ZNRF1: variants seen among roughly 807,000 people sequenced by gnomAD.
ZNRF1 encodes the protein E3 ubiquitin-protein ligase ZNRF1.
In ZNRF1, 3 loss-of-function variants were observed where a neutral mutation model predicts 18.4. The ratio of observed to expected loss-of-function variants is 0.16; its 90% confidence interval spans 0.07 to 0.42. ZNRF1 has a LOEUF of 0.42. ZNRF1 is among the 10% of genes least tolerant of loss of function. The pLI is 0.99. For missense variants in ZNRF1, 310 were observed against 329.8 expected (o/e 0.94, Z 0.47); for synonymous variants, 157 against 144.2 (o/e 1.09, Z -0.64).
chr16:75,087,078 G>A (rs1464952719), intron 1 of ZNRF1, among the ~76,000 whole-genome samples: 1 of 152,198 alleles, frequency 6.6e-6, no homozygotes, highest in Non-Finnish European at 1.5e-5. Flanking sequence ...GGTCTCCAGA[G>A]CATAAAAACT....
At chr16:75,079,603 A>G (rs1238511510) in intron 1 of ZNRF1, among the ~76,000 whole-genome samples, 13 of 152,200 alleles carry the variant, frequency 8.5e-5, no homozygotes. Context: ...GGACTGAAGT[A>G]TGAAGGCCTT....
intron 1 of ZNRF1, among the ~76,000 whole-genome samples, chr16:75,004,335 G>A (rs1320335121): frequency 6.6e-6 from 1 of 152,068 alleles, no homozygotes; most frequent in Non-Finnish European, 1.5e-5. Context: ...TGGCTGCCTC[G>A]GTGCTATTCT....
At position 75,023,876 on chromosome 16, in the gene ZNRF1, C is replaced by CT. The variant is rs565608727; in HGVS notation, c.424+23793dup. ...TCCTTTTCTTTTTTTATTTTATTTTCTTTTTTTTTTTTGAGACAGAGTCTT... is the reference window on the plus strand; with the variant it reads ...TCCTTTTCTTTTTTTATTTTATTTTCTTTTTTTTTTTTTGAGACAGAGTCTT... On this transcript the variant is annotated intron_variant, in intron 1 of 4. Transcript: ENST00000335325. 1.5e-3 allele frequency among the ~76,000 whole-genome samples: 213 copies of CT among 142,536 alleles called. 1 individual carries two copies. Among genetic ancestry groups the CT allele is most frequent in the South Asian group, 2.9e-3 (13 of 4,412 alleles). The allele number at this position is 142,536 out of a possible 152,430, so 93.5% of individuals were successfully genotyped here.
Position 74,999,130 on chromosome 16 carries a change from C to A in ZNRF1, c.-542C>A, listed in dbSNP as rs1205095738. On this transcript the variant is annotated 5_prime_UTR_variant, in exon 1 of 5. Coordinates refer to ENST00000335325, the MANE Select transcript of ZNRF1 (RefSeq NM_032268.5). ...GCTGAAGCGAGAGCGCGACGCGACG[C>A]GACCGCGGCTTCCCGAGCTGCGCCT... The A allele has an allele frequency of 1.4e-5, 2 of 147,390 alleles. No individual in the cohort carries two copies. The highest frequency in any genetic ancestry group is 3.0e-5 in the Non-Finnish European group (2 of 66,230). The allele number at this position is 147,390 out of a possible 1,614,324, so 9.1% of individuals were successfully genotyped here.
At chr16:75,065,238 C>G (rs535862765) in intron 1 of ZNRF1, among the ~76,000 whole-genome samples, 1 of 152,318 alleles carries the variant, frequency 6.6e-6, no homozygotes, top group East Asian at 1.9e-4. Flanking sequence ...TACTCTAGTA[C>G]AATCACCCAA....
rs374330001 is a variant in ZNRF1, at chr16:75,043,826, G to C, written c.424+43731G>C. Among the ~76,000 whole-genome samples the C allele has an allele frequency of 9.3e-5, 10 of 107,602 alleles. 2 individuals are homozygous for C. The highest frequency in any genetic ancestry group is 7.9e-4 in the East Asian group (3 of 3,814). 70.6% of individuals were successfully genotyped at this position (107,602 alleles called of 152,430 possible). ...TTTTTTGAGACAGAGTTTTGTTCTT[G>C]TTGCCCAGGCTGGAGGGTAATGATG... On this transcript the variant is annotated intron_variant, in intron 1 of 4. Coordinates refer to ENST00000335325, the MANE Select transcript of ZNRF1 (RefSeq NM_032268.5).
chr16:75,106,454 G>A (rs1326617341), intron 3 of ZNRF1, 28 bp from the exon 4 acceptor site: 1 of 1,613,920 alleles, frequency 6.2e-7, no homozygotes, highest in Non-Finnish European at 8.5e-7. Context: ...CAGGTAACGT[G>A]GTTTCCCTTG....
intron 1 of ZNRF1, among the ~76,000 whole-genome samples, chr16:75,012,457 G>A (rs1161300274): frequency 6.6e-6 from 1 of 152,160 alleles, no homozygotes; most frequent in Non-Finnish European, 1.5e-5. Context: ...GGTCAGCTTG[G>A]TGCTTGGCAC....
At chr16:75,084,435 G>A (rs910391061) in intron 1 of ZNRF1, 3 of 152,176 alleles carry the variant, frequency 2.0e-5, no homozygotes, top group African/African-American at 4.8e-5. Context: ...TTAGGATGAA[G>A]AGAAAAATCT....
intron 1 of ZNRF1, among the ~76,000 whole-genome samples, chr16:75,033,129 T>A (rs1287659993): frequency 6.6e-6 from 1 of 152,194 alleles, no homozygotes; most frequent in Non-Finnish European, 1.5e-5. Context: ...CTTTGATTAC[T>A]GTGGTGTTAT....
intron 1 of ZNRF1, among the ~76,000 whole-genome samples, chr16:75,036,799 C>T (rs1401248788): frequency 6.6e-6 from 1 of 152,164 alleles, no homozygotes; most frequent in Non-Finnish European, 1.5e-5. Flanking sequence ...ATGTATTATA[C>T]ACACGTATGT....
Position 75,103,514 on chromosome 16 carries a change from G to C in ZNRF1, c.521-1270G>C, listed in dbSNP as rs532877139. Among the ~76,000 whole-genome samples the C allele has an allele frequency of 1.3e-3, 195 of 152,228 alleles. 1 individual carries two copies. The highest frequency in any genetic ancestry group is 0.011 in the South Asian group (51 of 4,820). On this transcript the variant is annotated intron_variant, in intron 2 of 4. Coordinates refer to ENST00000335325, the MANE Select transcript of ZNRF1 (RefSeq NM_032268.5). ...TAGTGGTGGCCAGGGGCTGGGCGGG[G>C]GGAAGGGGAGTGGTGGATTAATGGG...
At position 75,025,649 on chromosome 16, in the gene ZNRF1, A is replaced by G. The variant is rs144151710; in HGVS notation, c.424+25554A>G. On this transcript the variant is annotated intron_variant, in intron 1 of 4. Transcript: ENST00000335325. ...TAAGCCAGCAAAGAGCTCGACCCCCACTGCAGAGGACATTTCGTAAGAGGG... is the reference window on the plus strand; with the variant it reads ...TAAGCCAGCAAAGAGCTCGACCCCCGCTGCAGAGGACATTTCGTAAGAGGG... 2.6e-5 allele frequency among the ~76,000 whole-genome samples: 4 copies of G among 152,238 alleles called. No individual in the cohort carries two copies. In the East Asian group the frequency reaches 7.7e-4, roughly 29 times the overall value.
rs1055063347 is a variant in ZNRF1, at chr16:74,999,579, C to A, written c.-93C>A. 3.9e-5 allele frequency: 37 copies of A among 949,680 alleles called. No individual in the cohort carries two copies. In the African/African-American group the frequency reaches 6.2e-4, roughly 16 times the overall value. The allele number at this position is 949,680 out of a possible 1,614,324, so 58.8% of individuals were successfully genotyped here. On this transcript the variant is annotated 5_prime_UTR_variant, in exon 1 of 5. Transcript: ENST00000335325. ...TCCGGGTCTCCTTTTTGACTCCCTC[C>A]CCCTTTATGCTCGCCCAGCCCTCCC...
Position 75,085,897 on chromosome 16 carries a change from A to G in ZNRF1, c.425-7675A>G, listed in dbSNP as rs140351079. ...ATGATTATGGAAGCTGAGAAATCCC[A>G]TGATCTACCATCTGCAAGCTGGAGA... On this transcript the variant is annotated intron_variant, in intron 1 of 4. Coordinates refer to ENST00000335325, the MANE Select transcript of ZNRF1 (RefSeq NM_032268.5). Among the ~76,000 whole-genome samples the G allele has an allele frequency of 1.5e-3, 231 of 152,060 alleles. 5 individuals are homozygous for G. The East Asian group carries it at 0.042, about 28-fold the overall frequency.
intron 1 of ZNRF1, among the ~76,000 whole-genome samples, chr16:75,060,624 AC>A (rs2035731064): frequency 6.6e-6 from 1 of 151,494 alleles, no homozygotes; most frequent in African/African-American, 2.4e-5. Flanking sequence ...TTACAGGCAC[AC>A]ACCACCCTGC....
chr16:75,057,203 C>T (rs947510468), intron 1 of ZNRF1, among the ~76,000 whole-genome samples: 2 of 152,190 alleles, frequency 1.3e-5, no homozygotes, highest in African/African-American at 4.8e-5. Context: ...GTCCCTGCTC[C>T]TTTGACTCCA....
At chr16:75,061,008 T>A (rs2035737597) in intron 1 of ZNRF1, among the ~76,000 whole-genome samples, 1 of 152,150 alleles carries the variant, frequency 6.6e-6, no homozygotes, top group African/African-American at 2.4e-5. Flanking sequence ...TTAAAAAAAA[T>A]AGTAATACAT....
chr16:75,042,737 G>T (rs944981891), intron 1 of ZNRF1, among the ~76,000 whole-genome samples: 9 of 152,114 alleles, frequency 5.9e-5, no homozygotes, highest in African/African-American at 2.2e-4. Flanking sequence ...GCATTTCCAT[G>T]TACGTTTTAG....
Sources: allele counts gnomAD v4.1 joint callset (sites outside exome capture counted in the v4.1 genomes callset), GRCh38; gene constraint gnomAD v4.1.1; transcripts MANE v1.5; gene names NCBI Gene and HGNC (gene_info 2026-07-23, HGNC 2026-07-21).